Variants in SND1 observed in about 807,000 individuals in gnomAD.
SND1 encodes staphylococcal nuclease and tudor domain containing 1.
Under a neutral mutation model 121.7 loss-of-function variants are expected in SND1, and 38 were observed. The observed-to-expected ratio is 0.31, with a 90% CI of 0.24 to 0.41. SND1 has a LOEUF of 0.41. Ranked by LOEUF, SND1 falls within the 10% of genes least tolerant of loss-of-function variation. The probability of loss-of-function intolerance (pLI) is 1.00; values close to 1 mark genes in which losing one functional copy is unlikely to be tolerated. For missense variants in SND1, 868 were observed against 1,184.6 expected (o/e 0.73, Z 3.92); for synonymous variants, 401 against 447.4 (o/e 0.90, Z 1.31).
intron 15 of SND1, among the ~76,000 whole-genome samples, chr7:127,948,218 CTTCTCTGA>C (rs1801377001): frequency 6.6e-6 from 1 of 152,194 alleles, no homozygotes; most frequent in African/African-American, 2.4e-5. Context: ...TCTGCCCCCA[CTTCTCTGA>C]TTCTCATTGT....
At chr7:127,735,705 C>T (rs1410744876) in intron 10 of SND1, among the ~76,000 whole-genome samples, 1 of 152,170 alleles carries the variant, frequency 6.6e-6, no homozygotes, top group Non-Finnish European at 1.5e-5. Context: ...TGGCTCACTG[C>T]AACTTCCACC....
intron 2 of SND1, among the ~76,000 whole-genome samples, chr7:127,694,097 T>C (rs952053414): frequency 3.9e-5 from 6 of 152,222 alleles, no homozygotes; most frequent in African/African-American, 7.2e-5. Flanking sequence ...CTGTTACTGG[T>C]GTCCTCCCAA....
intron 16 of SND1, among the ~76,000 whole-genome samples, chr7:127,997,300 G>A (rs1802685831): frequency 6.6e-6 from 1 of 152,152 alleles, no homozygotes; most frequent in South Asian, 2.1e-4. Context: ...TAGAATATCT[G>A]GAACTAGTTA....
Position 127,748,350 on chromosome 7 carries a change from G to A in SND1, c.1152+26950G>A, listed in dbSNP as rs117530820. 6.1e-3 allele frequency among the ~76,000 whole-genome samples: 929 copies of A among 152,230 alleles called. 5 individuals are homozygous for A. The highest frequency in any genetic ancestry group is 0.034 in the South Asian group (162 of 4,822). ...ACAAGGTACTGTCCTTTCAGAACAC[G>A]CTCATCCCCCTTTGGGTTCTGGATC... On this transcript the variant is annotated intron_variant, in intron 10 of 23. Transcript: ENST00000354725.
At chr7:127,990,338 C>T (rs1279935607) in intron 15 of SND1, among the ~76,000 whole-genome samples, 3 of 152,146 alleles carry the variant, frequency 2.0e-5, no homozygotes, top group Non-Finnish European at 4.4e-5. Context: ...CCTAATATTT[C>T]ATCAGTATTC....
Position 127,858,143 on chromosome 7 carries a change from G to A in SND1, c.1343+13719G>A, listed in dbSNP as rs557946157. On this transcript the variant is annotated intron_variant, in intron 12 of 23. Coordinates refer to ENST00000354725, the MANE Select transcript of SND1 (RefSeq NM_014390.4). ...GCGAACATGTCTAGGGAGTGTGGGG[G>A]TGTGGGATTGTGGGGTCCCTAGGGC... 6.0e-6 allele frequency: 5 copies of A among 839,766 alleles called. No homozygotes were observed. In the East Asian group the frequency reaches 1.2e-4, roughly 20 times the overall value. 52.0% of individuals were successfully genotyped at this position (839,766 alleles called of 1,614,324 possible).
chr7:128,028,608 C>T, intron 16 of SND1: 2 of 1,424,492 alleles, frequency 1.4e-6, no homozygotes, highest in Non-Finnish European at 1.9e-6. Context: ...AAGTCTCTCC[C>T]CACTCTGTAC....
chr7:127,857,999 C>G, intron 12 of SND1: 4 of 1,454,854 alleles, frequency 2.7e-6, no homozygotes, highest in Non-Finnish European at 3.9e-6. Flanking sequence ...AGCTCGGCAT[C>G]CCCCGGGTTC....
At chr7:127,675,396 C>T (rs1055747393) in intron 1 of SND1, among the ~76,000 whole-genome samples, 2 of 152,088 alleles carry the variant, frequency 1.3e-5, no homozygotes, top group Admixed American at 1.3e-4. Context: ...TTGCTGTATA[C>T]GTTTAGATGC....
At chr7:128,014,755 A>G (rs1451535925) in intron 16 of SND1, among the ~76,000 whole-genome samples, 1 of 152,148 alleles carries the variant, frequency 6.6e-6, no homozygotes, top group Non-Finnish European at 1.5e-5. Flanking sequence ...GGCAGTTGTG[A>G]GAGAGAACAG....
chr7:127,760,492 T>C (rs1271176339), intron 10 of SND1, among the ~76,000 whole-genome samples: 1 of 152,234 alleles, frequency 6.6e-6, no homozygotes, highest in Non-Finnish European at 1.5e-5. Context: ...AATCACCTGC[T>C]CATAGCCTGT....
chr7:128,081,073 C>T (rs548652655), intron 17 of SND1, among the ~76,000 whole-genome samples: 2 of 152,058 alleles, frequency 1.3e-5, no homozygotes, highest in South Asian at 2.1e-4. Context: ...CTTGGCTCAC[C>T]GCAACCCGTG....
intron 10 of SND1, among the ~76,000 whole-genome samples, chr7:127,727,918 G>T (rs1796611406): frequency 6.6e-6 from 1 of 152,150 alleles, no homozygotes; most frequent in Non-Finnish European, 1.5e-5. Flanking sequence ...TGATTTTTAA[G>T]ATTAATATCT....
intron 15 of SND1, among the ~76,000 whole-genome samples, chr7:127,973,732 C>T (rs527884309): frequency 6.6e-6 from 1 of 152,322 alleles, no homozygotes; most frequent in South Asian, 2.1e-4. Context: ...TCCACAATGA[C>T]CTGTGTGGAT....
At chr7:127,853,100 G>C (rs1480211395) in intron 12 of SND1, among the ~76,000 whole-genome samples, 1 of 152,104 alleles carries the variant, frequency 6.6e-6, no homozygotes, top group Non-Finnish European at 1.5e-5. Context: ...AAAAGTATCT[G>C]GTCCTGCAGC....
intron 16 of SND1, among the ~76,000 whole-genome samples, chr7:128,054,155 A>G (rs1345031686): frequency 6.6e-6 from 1 of 152,194 alleles, no homozygotes; most frequent in Non-Finnish European, 1.5e-5. Context: ...GGTGGCATGT[A>G]CACAGGCTTA....
chr7:128,005,672 A>G (rs1563086008), intron 16 of SND1, among the ~76,000 whole-genome samples: 1 of 152,228 alleles, frequency 6.6e-6, no homozygotes, highest in South Asian at 2.1e-4. Flanking sequence ...CTGCTTTGAT[A>G]GGAATGAGAG....
At chr7:127,770,658 C>A (rs528858474) in intron 10 of SND1, among the ~76,000 whole-genome samples, 14 of 152,112 alleles carry the variant, frequency 9.2e-5, no homozygotes, top group African/African-American at 3.4e-4. Flanking sequence ...AACCACTATG[C>A]CTTACTCTTT....
At chr7:127,757,415 A>T (rs1797217357) in intron 10 of SND1, among the ~76,000 whole-genome samples, 1 of 152,180 alleles carries the variant, frequency 6.6e-6, no homozygotes. Context: ...GGATGCGCAC[A>T]TTCGTTTGTT....
Sources: allele counts gnomAD v4.1 joint callset (sites outside exome capture counted in the v4.1 genomes callset), GRCh38; gene constraint gnomAD v4.1.1; transcripts MANE v1.5; gene names NCBI Gene and HGNC (gene_info 2026-07-23, HGNC 2026-07-21).